TNR: variants seen among roughly 807,000 people sequenced by gnomAD.
TNR encodes the protein tenascin-R.
TNR carries 45 observed loss-of-function variants against 150.4 expected under a neutral mutation model. That is an observed-to-expected ratio of 0.30 (90% CI 0.24 to 0.38). TNR has a LOEUF of 0.38. Among genes scored for constraint, TNR ranks in the 10% least tolerant of loss-of-function variants. The pLI, the probability that TNR is intolerant of heterozygous loss-of-function variation, is 1.00. For synonymous variants in TNR, 687 were observed against 678.4 expected (o/e 1.01, Z -0.20); for missense variants, 1,544 against 1,759.1 (o/e 0.88, Z 2.19).
intron 1 of TNR, among the ~76,000 whole-genome samples, chr1:175,685,562 G>T (rs1260431446): frequency 1.3e-5 from 2 of 152,148 alleles, no homozygotes; most frequent in Non-Finnish European, 2.9e-5. Context: ...TCTCAAATGG[G>T]TGTCCATGGC....
At chr1:175,668,956 C>T (rs192846149) in intron 1 of TNR, among the ~76,000 whole-genome samples, 2 of 152,288 alleles carry the variant, frequency 1.3e-5, no homozygotes, top group East Asian at 3.9e-4. Flanking sequence ...TTGCTCAGTT[C>T]CAGTGTGTTG....
intron 1 of TNR, among the ~76,000 whole-genome samples, chr1:175,631,600 G>A (rs1374582788): frequency 1.3e-5 from 2 of 152,154 alleles, no homozygotes; most frequent in East Asian, 1.9e-4. Context: ...AACACCTGTG[G>A]CCTATATATT....
chr1:175,388,060 G>A (rs1295661675), intron 7 of TNR, among the ~76,000 whole-genome samples: 1 of 152,140 alleles, frequency 6.6e-6, no homozygotes, highest in African/African-American at 2.4e-5. Flanking sequence ...TGCACTTGGT[G>A]GTTTTAGATA....
At chr1:175,696,296 G>A (rs1383837925) in intron 1 of TNR, among the ~76,000 whole-genome samples, 1 of 142,852 alleles carries the variant, frequency 7.0e-6, no homozygotes, top group Non-Finnish European at 1.5e-5. Context: ...AGCCCCCACA[G>A]GTAAATGGGC....
At chr1:175,678,103 C>A in intron 1 of TNR, among the ~76,000 whole-genome samples, 1 of 152,286 alleles carries the variant, frequency 6.6e-6, no homozygotes, top group East Asian at 1.9e-4. Flanking sequence ...TATATCATAG[C>A]AATTCTTTTC....
intron 1 of TNR, among the ~76,000 whole-genome samples, chr1:175,656,829 G>T (rs183956545): frequency 7.9e-4 from 121 of 152,278 alleles, no homozygotes; most frequent in African/African-American, 2.8e-3. Flanking sequence ...TTGAAGTTTT[G>T]TGTGTGTGGT....
At chr1:175,639,131 T>A (rs1664573901) in intron 1 of TNR, among the ~76,000 whole-genome samples, 1 of 152,172 alleles carries the variant, frequency 6.6e-6, no homozygotes, top group Non-Finnish European at 1.5e-5. Flanking sequence ...ACTGCCTCAT[T>A]ATAGTCTATA....
At chr1:175,713,261 AG>A (rs1277978081) in intron 1 of TNR, among the ~76,000 whole-genome samples, 1 of 152,244 alleles carries the variant, frequency 6.6e-6, no homozygotes, top group Non-Finnish European at 1.5e-5. Flanking sequence ...CTGTGAGGAC[AG>A]GACCTGGGTT....
chr1:175,429,866 G>A (rs771439679), intron 2 of TNR, among the ~76,000 whole-genome samples: 2 of 151,948 alleles, frequency 1.3e-5, no homozygotes, highest in African/African-American at 2.4e-5. Context: ...AGAAGCCCAG[G>A]GTTAGCAAAT....
At chr1:175,657,092 CCTGTCCTTTAGGG>C (rs1315302747) in intron 1 of TNR, among the ~76,000 whole-genome samples, 2 of 152,048 alleles carry the variant, frequency 1.3e-5, no homozygotes, top group African/African-American at 4.8e-5. Context: ...AGGGGAAGAG[CCTGTCCTTTAGGG>C]CTGGTGGTTC....
chr1:175,650,060 A>C (rs1465590846), intron 1 of TNR, among the ~76,000 whole-genome samples: 1 of 152,228 alleles, frequency 6.6e-6, no homozygotes, highest in Non-Finnish European at 1.5e-5. Context: ...TGTGCTGTTC[A>C]AACTGGGATT....
chr1:175,344,457 T>G (rs1650679048), intron 18 of TNR, among the ~76,000 whole-genome samples: 1 of 152,200 alleles, frequency 6.6e-6, no homozygotes, highest in Non-Finnish European at 1.5e-5. Flanking sequence ...GGTCTTAGAT[T>G]CCCTGCCTCC....
intron 1 of TNR, among the ~76,000 whole-genome samples, chr1:175,704,834 G>A (rs773375629): frequency 9.9e-5 from 15 of 152,194 alleles, no homozygotes; most frequent in Non-Finnish European, 1.9e-4. Flanking sequence ...TCATTCAGAT[G>A]ATGTGTGCCT....
rs758610631 is a variant in TNR, at chr1:175,359,139, C to CTTTTTTTTTTTTTTTTTTTTTTT, written c.2974+450_2974+472dup. On this transcript the variant is annotated intron_variant, in intron 15 of 22. Coordinates refer to ENST00000367674, the MANE Select transcript of TNR (RefSeq NM_003285.3). ...AGTTTGCAGAGTTTGGGGATATCTT[C>CTTTTTTTTTTTTTTTTTTTTTTT]TTTTTTTTTTTTTTTTTTTTTTTTT... is the stretch of plus-strand genomic sequence containing the variant. Among the ~76,000 whole-genome samples, 5 of 42,146 alleles carry CTTTTTTTTTTTTTTTTTTTTTTT rather than the reference C, an allele frequency of 1.2e-4. 2 individuals are homozygous for CTTTTTTTTTTTTTTTTTTTTTTT. Among genetic ancestry groups the CTTTTTTTTTTTTTTTTTTTTTTT allele is most frequent in the African/African-American group, 1.7e-4 (2 of 11,850 alleles). 27.6% of individuals were successfully genotyped at this position (42,146 alleles called of 152,430 possible).
In TNR at chr1:175,396,714, A is replaced by T; in HGVS notation, c.1070T>A (p.Ile357Asn). 1 of 1,614,200 alleles carries T rather than the reference A, an allele frequency of 6.2e-7. No individual in the cohort carries two copies. The highest frequency in any genetic ancestry group is 8.5e-7 in the Non-Finnish European group (1 of 1,180,026). ...CCCCAGGGCCGTCGGCTGGTAAGAG[A>T]TCACATATTCCGTCACTGCCATCGG... ...DGPMAVTEYV[I>N]SYQPTALGGL... Residue 357 changes from isoleucine to asparagine, a missense_variant, in exon 5 of 23, where the codon ATC becomes AAC. By Grantham distance (149) the Ile-to-Asn change is moderately radical. Around this residue, in one of 2 missense-constraint regions of TNR, gnomAD observed 1,254 missense variants for 1,329.4 expected, o/e 0.94. Transcript: ENST00000367674.
At chr1:175,687,824 G>A (rs1393302738) in intron 1 of TNR, among the ~76,000 whole-genome samples, 1 of 151,466 alleles carries the variant, frequency 6.6e-6, no homozygotes, top group East Asian at 1.9e-4. Context: ...AGACTGCCCA[G>A]CCCTCCCTAT....
intron 1 of TNR, among the ~76,000 whole-genome samples, chr1:175,563,951 G>A (rs1413326990): frequency 6.6e-6 from 1 of 152,208 alleles, no homozygotes; most frequent in Non-Finnish European, 1.5e-5. Context: ...GGAAAAGCCA[G>A]GCTTGTTTGC....
intron 1 of TNR, among the ~76,000 whole-genome samples, chr1:175,714,307 C>T (rs1393175255): frequency 6.6e-6 from 1 of 152,000 alleles, no homozygotes; most frequent in African/African-American, 2.4e-5. Flanking sequence ...GACGGAAAGC[C>T]CATTGTTGCC....
At chr1:175,742,184 A>G (rs778827483) in intron 1 of TNR, among the ~76,000 whole-genome samples, 1 of 152,226 alleles carries the variant, frequency 6.6e-6, no homozygotes, top group Non-Finnish European at 1.5e-5. Flanking sequence ...GGCAGAAAGC[A>G]GGAGAGACAG....
Sources: allele counts gnomAD v4.1 joint callset (sites outside exome capture counted in the v4.1 genomes callset), GRCh38; gene constraint gnomAD v4.1.1; regional missense constraint gnomAD v4.1.1; transcripts MANE v1.5; gene names NCBI Gene and HGNC (gene_info 2026-07-23, HGNC 2026-07-21).